Variants in EVL observed in about 807,000 individuals in gnomAD.
The protein encoded by EVL is Enah/Vasp-like, also known as ena/VASP-like protein.
In EVL, 21 loss-of-function variants were observed where a neutral mutation model predicts 59.6. The ratio of observed to expected loss-of-function variants is 0.35; its 90% CI spans 0.25 to 0.51. The LOEUF (loss-of-function observed/expected upper bound fraction) is 0.51. Ranked by LOEUF, EVL falls within the 20% of genes least tolerant of loss-of-function variation. The pLI is 0.97. For missense variants in EVL, 462 were observed against 546.6 expected (o/e 0.85, Z 1.54); for synonymous variants, 198 against 203.5 (o/e 0.97, Z 0.23).
intron 3 of EVL, among the ~76,000 whole-genome samples, chr14:100,098,654 G>A (rs1410081105): frequency 6.6e-6 from 1 of 152,208 alleles, no homozygotes; most frequent in Admixed American, 6.5e-5. Flanking sequence ...GGCTTTCCCA[G>A]GATGGGTGTC....
At chr14:99,997,347 T>C (rs1007680191) in intron 1 of EVL, among the ~76,000 whole-genome samples, 1 of 152,260 alleles carries the variant, frequency 6.6e-6, no homozygotes, top group Non-Finnish European at 1.5e-5. Flanking sequence ...TGCTCAGTTG[T>C]TCTTGCCTGA....
In EVL at chr14:99,987,258, G is replaced by A. The variant is rs767239963; in HGVS notation, c.5+15201G>A. Among the ~76,000 whole-genome samples, 9 of 152,116 alleles carry A rather than the reference G, an allele frequency of 5.9e-5. No homozygotes were observed. In the South Asian group the frequency reaches 8.3e-4, roughly 14 times the overall value. ...TTCATATGTTGAAATACTACCCCCC[G>A]CCAAGATTATATTATTAAGAGGTGG... is the stretch of plus-strand genomic sequence containing the variant. On this transcript the variant is annotated intron_variant, in intron 1 of 13. Coordinates refer to the EVL transcript ENST00000402714.
intron 1 of EVL, among the ~76,000 whole-genome samples, chr14:100,011,688 T>C (rs2061017997): frequency 6.6e-6 from 1 of 152,204 alleles, no homozygotes; most frequent in Admixed American, 6.5e-5. Context: ...CTGTCAGCCC[T>C]GCATTCCTGT....
intron 2 of EVL, among the ~76,000 whole-genome samples, chr14:100,090,226 A>G (rs1159228101): frequency 1.3e-5 from 2 of 152,242 alleles, no homozygotes; most frequent in Non-Finnish European, 2.9e-5. Flanking sequence ...AGTGAGAAAG[A>G]GAAAACACAA....
chr14:99,996,238 T>G (rs1395546894), intron 1 of EVL, among the ~76,000 whole-genome samples: 1 of 152,136 alleles, frequency 6.6e-6, no homozygotes, highest in Non-Finnish European at 1.5e-5. Context: ...TCTGCTGGCT[T>G]TCATGAGGTT....
At chr14:100,064,379 T>C (rs184855455), upstream of EVL, among the ~76,000 whole-genome samples, 6 of 152,360 alleles carry the variant, frequency 3.9e-5, no homozygotes, top group East Asian at 9.6e-4. Flanking sequence ...CAGTAGATTT[T>C]GAAAGAAAGA....
intron 1 of EVL, among the ~76,000 whole-genome samples, chr14:99,998,127 C>T (rs933467016): frequency 1.3e-5 from 2 of 151,978 alleles, no homozygotes; most frequent in African/African-American, 4.8e-5. Context: ...TCAAATAATT[C>T]TCCCACCTCA....
chr14:100,075,191 A>T (rs1442432110), intron 1 of EVL, among the ~76,000 whole-genome samples: 1 of 152,204 alleles, frequency 6.6e-6, no homozygotes, highest in African/African-American at 2.4e-5. Flanking sequence ...CTAGCAAGTG[A>T]TGTGCTTCAG....
At chr14:100,075,749 G>A (rs896356921) in intron 1 of EVL, among the ~76,000 whole-genome samples, 2 of 152,206 alleles carry the variant, frequency 1.3e-5, no homozygotes, top group African/African-American at 4.8e-5. Context: ...TGGGGTTTGG[G>A]GGGCAGAGAC....
In EVL at chr14:100,123,541, C is replaced by T. The variant is rs141817237; in HGVS notation, c.361C>T (p.Pro121Ser). The change falls in exon 4 of 14, where the codon CCC (proline) becomes TCC (serine). Residue 121 changes from proline (P) to serine (S), a missense_variant and splice_region_variant. By Grantham distance (74) the Pro-to-Ser change is moderately conservative. Coordinates refer to ENST00000392920, the MANE Select transcript of EVL (RefSeq NM_016337.3). Reference protein sequence around the residue: ...LNIMNSQEGGPSSQRQVQNGP... With the variant: ...LNIMNSQEGGSSSQRQVQNGP... ...TTTCTGTGCTTCTCTGCCCACAGGCCCCTCCAGCCAGCGTCAGGTGCAGAA... is the reference window on the plus strand; with the variant it reads ...TTTCTGTGCTTCTCTGCCCACAGGCTCCTCCAGCCAGCGTCAGGTGCAGAA... 5.6e-6 allele frequency: 9 copies of T among 1,614,040 alleles called. No individual in the cohort carries two copies. The highest frequency in any genetic ancestry group is 5.9e-6 in the Non-Finnish European group (7 of 1,179,974).
chr14:100,067,948 G>A (rs184976800), intron 1 of EVL, among the ~76,000 whole-genome samples: 4 of 152,148 alleles, frequency 2.6e-5, no homozygotes, highest in Non-Finnish European at 4.4e-5. Flanking sequence ...GAAGAATAGG[G>A]ATGATTTTTT....
chr14:100,006,006 AT>A (rs146223768), intron 1 of EVL, among the ~76,000 whole-genome samples: 9,638 of 56,020 alleles, frequency 0.17, 551 homozygotes, highest in East Asian at 0.47. Context: ...TTTGCTGGCC[AT>A]TTCCCCCCCC....
chr14:100,087,761 C>T (rs927529301), intron 2 of EVL, among the ~76,000 whole-genome samples: 1 of 151,776 alleles, frequency 6.6e-6, no homozygotes, highest in Admixed American at 6.6e-5. Context: ...AGGGAGACTG[C>T]AGTCCTGCTC....
intron 1 of EVL, among the ~76,000 whole-genome samples, chr14:100,076,228 G>T (rs1385816793): frequency 6.6e-6 from 1 of 152,228 alleles, no homozygotes; most frequent in Non-Finnish European, 1.5e-5. Flanking sequence ...CAGGCTGCTG[G>T]TTGGGCTATG....
chr14:100,129,525 A>G, intron 6 of EVL, 38 bp from the exon 7 acceptor site: 1 of 1,611,584 alleles, frequency 6.2e-7, no homozygotes, highest in Non-Finnish European at 8.5e-7. Context: ...TTCTGCCATC[A>G]GCAGCAGAAT....
chr14:100,052,752 CA>C (rs750058813), intron 1 of EVL: 4,113 of 124,314 alleles, frequency 0.033, 134 homozygotes, highest in African/African-American at 0.11. Flanking sequence ...GACCGTGTCT[CA>C]AAAAAAAAAA....
intron 7 of EVL, among the ~76,000 whole-genome samples, chr14:100,131,801 C>G (rs189247609): frequency 5.3e-4 from 80 of 152,250 alleles, no homozygotes; most frequent in African/African-American, 1.8e-3. Flanking sequence ...ACCAGGCTGA[C>G]AGTTATAAGA....
intron 1 of EVL, among the ~76,000 whole-genome samples, chr14:99,990,148 A>G (rs923542926): frequency 3.3e-5 from 5 of 152,196 alleles, no homozygotes; most frequent in Non-Finnish European, 7.4e-5. Context: ...ATTCCTGTTA[A>G]TGTTGATAGT....
chr14:100,060,092 A>C (rs1002301030), intron 1 of EVL, among the ~76,000 whole-genome samples: 2 of 152,254 alleles, frequency 1.3e-5, no homozygotes, highest in Non-Finnish European at 2.9e-5. Flanking sequence ...AAGGTGGATA[A>C]AGTGAACAAA....
Sources: gnomAD v4.1 joint callset for allele counts (sites outside exome capture counted in the v4.1 genomes callset) on GRCh38, gnomAD v4.1.1 for gene constraint, MANE v1.5 for transcripts, NCBI Gene and HGNC (gene_info 2026-07-23, HGNC 2026-07-21) for gene names.